The following PTPRD variants were observed in gnomAD, a reference collection of about 807,000 sequenced individuals.
The protein encoded by PTPRD is receptor-type tyrosine-protein phosphatase delta.
Under a neutral mutation model 214.5 loss-of-function variants are expected in PTPRD, and 34 were observed. The ratio of observed to expected loss-of-function variants is 0.16; its 90% CI spans 0.12 to 0.21. PTPRD has a LOEUF of 0.21. PTPRD is among the 10% of genes least tolerant of loss of function. PTPRD has a pLI of 1.00. For missense variants in PTPRD, 2,545 were observed against 2,398.7 expected (o/e 1.06, Z -1.27); for synonymous variants, 1,128 against 845.7 (o/e 1.33, Z -5.79).
chr9:10,004,153 G>A (rs1015653760), intron 4 of PTPRD, among the ~76,000 whole-genome samples: 2 of 151,752 alleles, frequency 1.3e-5, no homozygotes, highest in Non-Finnish European at 2.9e-5. Context: ...ACATAGAAAG[G>A]TTTTAAGTTT....
intron 12 of PTPRD, among the ~76,000 whole-genome samples, chr9:8,675,984 G>C (rs1400243700): frequency 6.6e-6 from 1 of 152,116 alleles, no homozygotes; most frequent in African/African-American, 2.4e-5. Context: ...GAATCTAACA[G>C]GTAAGTCTAT....
chr9:9,515,087 C>A (rs1229559659), intron 8 of PTPRD, among the ~76,000 whole-genome samples: 1 of 152,046 alleles, frequency 6.6e-6, no homozygotes, highest in Non-Finnish European at 1.5e-5. Context: ...CTCAATCATT[C>A]AGGGAGCTAA....
chr9:10,499,904 A>T (rs1448859157), intron 2 of PTPRD, among the ~76,000 whole-genome samples: 1 of 151,918 alleles, frequency 6.6e-6, no homozygotes, highest in African/African-American at 2.4e-5. Context: ...TAATTTTAAA[A>T]AATTACAAAA....
chr9:9,613,590 T>C (rs1033825308), intron 7 of PTPRD, among the ~76,000 whole-genome samples: 2 of 152,196 alleles, frequency 1.3e-5, no homozygotes, highest in African/African-American at 4.8e-5. Flanking sequence ...TTAGTTTTTC[T>C]ATTAAGTTGA....
intron 7 of PTPRD, among the ~76,000 whole-genome samples, chr9:9,665,164 A>G: frequency 6.6e-6 from 1 of 151,706 alleles, no homozygotes; most frequent in East Asian, 1.9e-4. Context: ...AGAAAGTACT[A>G]GCTATAGAAA....
intron 28 of PTPRD, 184 bp from the exon 29 acceptor site, chr9:8,485,508 C>T (rs1013040090): frequency 1.1e-5 from 7 of 620,446 alleles, no homozygotes; most frequent in South Asian, 2.1e-5. Context: ...TCTTTCCTTT[C>T]TCTCCAATTC....
intron 12 of PTPRD, among the ~76,000 whole-genome samples, chr9:8,728,946 C>G (rs1410861570): frequency 1.3e-5 from 2 of 152,150 alleles, no homozygotes; most frequent in Non-Finnish European, 2.9e-5. Flanking sequence ...CACCACTGCA[C>G]TCCAGCCTGG....
intron 39 of PTPRD, among the ~76,000 whole-genome samples, chr9:8,368,005 A>T (rs1330492214): frequency 6.6e-6 from 1 of 151,946 alleles, no homozygotes; most frequent in Non-Finnish European, 1.5e-5. Context: ...TAAGATTTGA[A>T]CTCTGTTTGT....
rs566500998 is a variant in PTPRD, at chr9:9,570,511, T to C, written c.-237+4221A>G. 2.6e-5 allele frequency among the ~76,000 whole-genome samples: 4 copies of C among 151,726 alleles called. No homozygotes were observed. In the South Asian group the frequency reaches 8.3e-4, roughly 31 times the overall value. The stretch of plus-strand genomic sequence containing the variant: ...TACATTCAGGGACACATGAAATAAA[T>C]CCTGAAATATTTATTTCTATAACTT... On this transcript the variant is annotated intron_variant, in intron 8 of 45. Coordinates refer to ENST00000381196, the MANE Select transcript of PTPRD (RefSeq NM_002839.4).
At chr9:10,170,730 C>G (rs1407571069) in intron 3 of PTPRD, among the ~76,000 whole-genome samples, 1 of 152,170 alleles carries the variant, frequency 6.6e-6, no homozygotes, top group Non-Finnish European at 1.5e-5. Context: ...TACAGTTAGT[C>G]ACAACCTGTA....
rs1294138030 is a variant in PTPRD, at chr9:9,430,760, C to A, written c.-236-33278G>T. Among the ~76,000 whole-genome samples, 3 of 152,138 alleles carry A rather than the reference C, an allele frequency of 2.0e-5. No homozygotes were observed. The East Asian group carries it at 5.8e-4, about 29-fold the overall frequency. On this transcript the variant is annotated intron_variant, in intron 8 of 45. Transcript: ENST00000381196. ...CAGAAATAATACCACACATCTACAA[C>A]CATCTGATCTTTGACAAATCTAACA...
chr9:9,807,037 C>G lies in PTPRD; in HGVS notation c.-367-40186G>C, dbSNP rs1292154362. Among the ~76,000 whole-genome samples the G allele has an allele frequency of 1.3e-5, 2 of 152,128 alleles. 1 individual carries two copies. Among genetic ancestry groups the G allele is most frequent in the Non-Finnish European group, 2.9e-5 (2 of 68,024 alleles). On this transcript the variant is annotated intron_variant, in intron 5 of 45. Transcript: ENST00000381196. ...CCCAAGACAAGAGTCAGATGGAATACTCGGATCTCTCAAGTCACCTACTTG... is the reference window on the plus strand; with the variant it reads ...CCCAAGACAAGAGTCAGATGGAATAGTCGGATCTCTCAAGTCACCTACTTG...
chr9:9,557,434 C>A (rs1002379120), intron 8 of PTPRD, among the ~76,000 whole-genome samples: 1 of 152,060 alleles, frequency 6.6e-6, no homozygotes, highest in African/African-American at 2.4e-5. Context: ...TATTTTATCC[C>A]AAAATAAAAT....
intron 8 of PTPRD, among the ~76,000 whole-genome samples, chr9:9,450,986 C>G (rs181536312): frequency 1.6e-4 from 24 of 150,740 alleles, no homozygotes; most frequent in African/African-American, 4.9e-4. Flanking sequence ...CACACACACA[C>G]AGACACACAG....
chr9:9,495,856 C>G (rs1299241178), intron 8 of PTPRD, among the ~76,000 whole-genome samples: 2 of 152,222 alleles, frequency 1.3e-5, no homozygotes, highest in Non-Finnish European at 2.9e-5. Flanking sequence ...AATGGGCCAA[C>G]TGAGCTGCTA....
intron 7 of PTPRD, among the ~76,000 whole-genome samples, chr9:9,581,571 T>C (rs535610600): frequency 6.6e-6 from 1 of 152,230 alleles, no homozygotes; most frequent in South Asian, 2.1e-4. Flanking sequence ...TTATAAACTC[T>C]CGATAAATAA....
At chr9:8,912,409 A>G (rs1160807144) in intron 11 of PTPRD, among the ~76,000 whole-genome samples, 1 of 152,116 alleles carries the variant, frequency 6.6e-6, no homozygotes, top group Non-Finnish European at 1.5e-5. Context: ...CAAACAAAAT[A>G]CTACACATTG....
intron 5 of PTPRD, among the ~76,000 whole-genome samples, chr9:9,907,103 T>C (rs189963440): frequency 1.3e-3 from 191 of 151,788 alleles, no homozygotes; most frequent in African/African-American, 4.5e-3. Context: ...ATGAGAGGAG[T>C]TCAGCTAGCA....
chr9:9,101,497 G>A (rs1461729792), intron 10 of PTPRD, among the ~76,000 whole-genome samples: 1 of 152,192 alleles, frequency 6.6e-6, no homozygotes, highest in Non-Finnish European at 1.5e-5. Flanking sequence ...ATGCATTAAT[G>A]AGGTAGCAGA....
Sources: gnomAD v4.1 joint callset for allele counts (sites outside exome capture counted in the v4.1 genomes callset) on GRCh38, gnomAD v4.1.1 for gene constraint, MANE v1.5 for transcripts, NCBI Gene and HGNC (gene_info 2026-07-23, HGNC 2026-07-21) for gene names.